TSNARE1: variants seen among roughly 807,000 people sequenced by gnomAD.
The protein encoded by TSNARE1 is t-SNARE domain-containing protein 1.
Under a neutral mutation model 62.0 loss-of-function variants are expected in TSNARE1, and 49 were observed. The observed-to-expected ratio is 0.79, with a 90% confidence interval of 0.63 to 1.00. The LOEUF (loss-of-function observed/expected upper bound fraction) is 1.00, where lower values mean the gene tolerates loss of function less well. TSNARE1 is among the 50% of genes least tolerant of loss of function. The pLI is 0.00. For synonymous variants in TSNARE1, 328 were observed against 294.4 expected (o/e 1.11, Z -1.17); for missense variants, 755 against 700.1 (o/e 1.08, Z -0.88).
chr8:142,352,922 C>T (rs1050118351), intron 2 of TSNARE1, among the ~76,000 whole-genome samples: 2 of 152,178 alleles, frequency 1.3e-5, no homozygotes, highest in Non-Finnish European at 2.9e-5. Flanking sequence ...TGTGCACATG[C>T]ACACACACGT....
intron 13 of TSNARE1, among the ~76,000 whole-genome samples, chr8:142,224,101 G>A (rs756802328): frequency 4.6e-5 from 7 of 152,186 alleles, no homozygotes; most frequent in Non-Finnish European, 1.0e-4. Context: ...TCCCCATTAC[G>A]CTGAGCCCGG....
chr8:142,255,938 TCACCACCATCATCACCATCACCACCAC>T (rs1818484366), intron 12 of TSNARE1, among the ~76,000 whole-genome samples: 2 of 9,930 alleles, frequency 2.0e-4, no homozygotes, highest in Non-Finnish European at 2.9e-4. Flanking sequence ...ACCATCACCA[TCACCACCATCATCACCATCACCACCAC>T]CATCACCATC....
chr8:142,238,518 G>GC (rs34874646), intron 12 of TSNARE1, among the ~76,000 whole-genome samples: 20,469 of 151,906 alleles, frequency 0.13, 1,499 homozygotes, highest in East Asian at 0.21. Context: ...AGGAGATGGA[G>GC]CCCCACACCT....
chr8:142,305,482 A>T (rs1349403563), intron 9 of TSNARE1, among the ~76,000 whole-genome samples: 1 of 152,016 alleles, frequency 6.6e-6, no homozygotes, highest in Non-Finnish European at 1.5e-5. Context: ...GGAAGGCGGC[A>T]GGGCTGGGGT....
chr8:142,336,516 A>C (rs1831782046), intron 4 of TSNARE1, among the ~76,000 whole-genome samples: 1 of 152,204 alleles, frequency 6.6e-6, no homozygotes, highest in Non-Finnish European at 1.5e-5. Flanking sequence ...CAACTGACTA[A>C]GATAAAACAA....
intron 4 of TSNARE1, among the ~76,000 whole-genome samples, chr8:142,341,682 C>G (rs1832608547): frequency 6.6e-6 from 1 of 152,214 alleles, no homozygotes; most frequent in Non-Finnish European, 1.5e-5. Flanking sequence ...TCACCCCCGT[C>G]AGTGTCACTG....
chr8:142,288,915 G>A lies in TSNARE1; in HGVS notation c.1291-4430C>T, dbSNP rs1229774226. 3.9e-5 allele frequency among the ~76,000 whole-genome samples: 6 copies of A among 152,262 alleles called. No homozygotes were observed. In the East Asian group the frequency reaches 5.8e-4, roughly 15 times the overall value. The stretch of plus-strand genomic sequence containing the variant: ...GGCTCCTAGCACCATGGGCTCATGC[G>A]TCCCAGCTTCAAGAGGCTCGGCCAG... On this transcript the variant is annotated intron_variant, in intron 10 of 13. Coordinates refer to ENST00000524325, the MANE Select transcript of TSNARE1 (RefSeq NM_145003.5).
intron 4 of TSNARE1, among the ~76,000 whole-genome samples, chr8:142,343,180 A>G (rs1832823271): frequency 6.6e-6 from 1 of 152,224 alleles, no homozygotes; most frequent in South Asian, 2.1e-4. Context: ...AGCTCTGAGC[A>G]GATGCTGCCT....
intron 9 of TSNARE1, among the ~76,000 whole-genome samples, chr8:142,306,249 C>T (rs188073546): frequency 6.3e-4 from 96 of 152,332 alleles, no homozygotes; most frequent in African/African-American, 1.9e-3. Context: ...AGACAAGGGG[C>T]GACCTCCAGC....
At chr8:142,312,640 C>A (rs988462401) in intron 9 of TSNARE1, among the ~76,000 whole-genome samples, 1 of 152,150 alleles carries the variant, frequency 6.6e-6, no homozygotes. Flanking sequence ...CTGTAAAGTA[C>A]TTGTTGCTTG....
chr8:142,406,368 T>G (rs1214465696), upstream of TSNARE1: 3 of 152,248 alleles, frequency 2.0e-5, no homozygotes, highest in Non-Finnish European at 4.4e-5. Flanking sequence ...ATCGTTCTAT[T>G]AGCTGCGTCC....
rs768349989 is a variant in TSNARE1 at position 142,243,970 on chromosome 8, G to A, written c.1447-14391C>T. Among the ~76,000 whole-genome samples the A allele has an allele frequency of 3.9e-5, 6 of 152,126 alleles. No individual in the cohort carries two copies. In the East Asian group the frequency reaches 7.7e-4, roughly 20 times the overall value. ...TGGGAGGCCGAGGCAGGCGGATCAC[G>A]AGGTCAGGAGATCGAGACCATCTGG... On this transcript the variant is annotated intron_variant, in intron 12 of 13. Transcript: ENST00000524325.
rs1436085690 is a variant in TSNARE1, at chr8:142,276,018, G to A, written c.1364-1155C>T. 3 of 985,290 alleles carry A rather than the reference G, an allele frequency of 3.0e-6. No individual in the cohort carries two copies. In the East Asian group the frequency reaches 3.4e-4, roughly 112 times the overall value. 61.0% of individuals were successfully genotyped at this position (985,290 alleles called of 1,614,324 possible). On this transcript the variant is annotated intron_variant, in intron 11 of 13. Transcript: ENST00000524325. Reference sequence around the variant, plus strand: ...CCCTGCCTTCAGAAGCCCCCACCCAGGCCTCACAGGGATCCTTGAACCCTT... The same window carrying A: ...CCCTGCCTTCAGAAGCCCCCACCCAAGCCTCACAGGGATCCTTGAACCCTT...
Position 142,274,812 on chromosome 8 carries a change from C to A in TSNARE1, c.1415G>T (p.Arg472Leu). 6.3e-7 allele frequency: 1 copy of A among 1,578,898 alleles called. No homozygotes were observed. Among genetic ancestry groups the A allele is most frequent in the Non-Finnish European group, 8.6e-7 (1 of 1,163,370 alleles). Reference sequence around the variant, plus strand: ...CCGGCTGGCTCCAGCCAGGAGCTGGCGGGCTGCCTCCGCATGCGAGGACGC... The same window carrying A: ...CCGGCTGGCTCCAGCCAGGAGCTGGAGGGCTGCCTCCGCATGCGAGGACGC... ...EAASSHAEAARQLLAGASRHQ... is the reference protein window; with the variant it reads ...EAASSHAEAALQLLAGASRHQ... Residue 472 changes from arginine to leucine, a missense_variant, in exon 12 of 14, where the codon CGC becomes CTC. By Grantham distance (102) the Arg-to-Leu change is moderately radical. Coordinates refer to ENST00000524325, the MANE Select transcript of TSNARE1 (RefSeq NM_145003.5).
In TSNARE1 at chr8:142,396,644, G is replaced by A. The variant is rs959663717; in HGVS notation, c.-40+6460C>T. On this transcript the variant is annotated intron_variant, in intron 1 of 13. Coordinates refer to ENST00000524325, the MANE Select transcript of TSNARE1 (RefSeq NM_145003.5). ...GCAGGGCAGGATCGCCAGGTGGGCC[G>A]GGCAGCAGAACGGTGAGCAATGCCT... Among the ~76,000 whole-genome samples the A allele has an allele frequency of 5.3e-5, 8 of 152,352 alleles. No homozygotes were observed. The South Asian group carries it at 6.2e-4, about 12-fold the overall frequency.
In TSNARE1 at chr8:142,217,962, G is replaced by C. The variant is rs1385553286; in HGVS notation, c.*12-5649C>G. On this transcript the variant is annotated intron_variant, in intron 13 of 13. Coordinates refer to ENST00000524325, the MANE Select transcript of TSNARE1 (RefSeq NM_145003.5). ...AGAGTATGAGCAGGATCAGGGCTCA[G>C]TGTGTGACCAGGATCAGGGCTCAGA... Among the ~76,000 whole-genome samples the C allele has an allele frequency of 1.7e-5, 2 of 115,682 alleles. 1 individual carries two copies. Among genetic ancestry groups the C allele is most frequent in the East Asian group, 4.5e-4 (2 of 4,482 alleles). The allele number at this position is 115,682 out of a possible 152,430, so 75.9% of individuals were successfully genotyped here.
intron 12 of TSNARE1, chr8:142,274,388 C>A (rs973665960): frequency 1.0e-6 from 1 of 985,344 alleles, no homozygotes; most frequent in Non-Finnish European, 1.2e-6. Context: ...GAGCCACTGA[C>A]CTGCCCCAAC....
At chr8:142,218,222 G>C (rs916094597) in intron 13 of TSNARE1, among the ~76,000 whole-genome samples, 1 of 147,902 alleles carries the variant, frequency 6.8e-6, no homozygotes, top group Non-Finnish European at 1.5e-5. Context: ...AGGGCTTAAC[G>C]TGTGACCAAG....
At chr8:142,305,542 C>A (rs1218663150) in intron 9 of TSNARE1, among the ~76,000 whole-genome samples, 1 of 152,120 alleles carries the variant, frequency 6.6e-6, no homozygotes, top group Non-Finnish European at 1.5e-5. Flanking sequence ...ACCTCCACAG[C>A]GGGAGGATCG....
Sources: gnomAD v4.1 joint callset for allele counts (sites outside exome capture counted in the v4.1 genomes callset) on GRCh38, gnomAD v4.1.1 for gene constraint, MANE v1.5 for transcripts, NCBI Gene and HGNC (gene_info 2026-07-23, HGNC 2026-07-21) for gene names.